CAPN3: variants seen among roughly 807,000 people sequenced by gnomAD.
CAPN3 encodes calpain 3.
CAPN3 carries 88 observed loss-of-function variants against 114.0 expected under a neutral mutation model. That is an observed-to-expected ratio of 0.77 (90% CI 0.65 to 0.92). CAPN3 has a LOEUF of 0.92. Among genes scored for constraint, CAPN3 ranks in the 40% least tolerant of loss-of-function variants. The pLI, the probability that CAPN3 is intolerant of heterozygous loss-of-function variation, is 0.00. For missense variants in CAPN3, 1,028 were observed against 1,069.0 expected (o/e 0.96, Z 0.53); for synonymous variants, 386 against 382.9 (o/e 1.01, Z -0.09).
At chr15:42,387,009 G>A (rs866792824) in intron 3 of CAPN3, among the ~76,000 whole-genome samples, 69 of 152,070 alleles carry the variant, frequency 4.5e-4, no homozygotes, top group African/African-American at 1.6e-3. Context: ...ACCTCAGCAC[G>A]GAAGGCCTCA....
intron 2 of CAPN3, 66 bp downstream of exon 2, chr15:42,384,618 T>C (rs2053340350): frequency 1.7e-6 from 2 of 1,176,892 alleles, no homozygotes; most frequent in African/African-American, 1.5e-5. Flanking sequence ...TGTGATCCCC[T>C]TCCAGGAGGT....
At chr15:42,410,838 A>C in intron 21 of CAPN3, 46 bp from the exon 22 acceptor site, 1 of 1,503,400 alleles carries the variant, frequency 6.7e-7, no homozygotes, top group Admixed American at 1.7e-5. Context: ...AGGCAGGCCC[A>C]AGGCCTCCAG....
chr15:42,399,548 C>A lies in CAPN3; in HGVS notation c.1250C>A (p.Thr417Lys). 1 of 1,613,528 alleles carries A rather than the reference C, an allele frequency of 6.2e-7. No homozygotes were observed. Among genetic ancestry groups the A allele is most frequent in the Non-Finnish European group, 8.5e-7 (1 of 1,179,494 alleles). Residue 417 changes from threonine (T) to lysine (K), a missense_variant, in exon 10 of 24, where the codon ACG (threonine) becomes AAG (lysine). By Grantham distance (78) the Thr-to-Lys change is moderately conservative (BLOSUM62 -1). Coordinates refer to ENST00000397163, the MANE Select transcript of CAPN3 (RefSeq NM_000070.3). Reference sequence around the variant, plus strand: ...ACAAAGTTGGAGATCTGCAACCTCACGGCCGATGCTCTGCAGTCTGACAAG... The same window carrying A: ...ACAAAGTTGGAGATCTGCAACCTCAAGGCCGATGCTCTGCAGTCTGACAAG... Reference protein sequence around the residue: ...HFTKLEICNLTADALQSDKLQ... With the variant: ...HFTKLEICNLKADALQSDKLQ...
chr15:42,388,268 T>C (rs979400197), intron 4 of CAPN3, among the ~76,000 whole-genome samples: 1 of 152,164 alleles, frequency 6.6e-6, no homozygotes, highest in Admixed American at 6.5e-5. Flanking sequence ...CCATGTTGTC[T>C]CTCAACTTAA....
chr15:42,391,366 G>T (rs1047552404), intron 6 of CAPN3, among the ~76,000 whole-genome samples: 1 of 152,110 alleles, frequency 6.6e-6, no homozygotes, highest in African/African-American at 2.4e-5. Flanking sequence ...GATATGCTTA[G>T]GTAATGACAG....
chr15:42,388,916 C>T lies in CAPN3; in HGVS notation c.633-12C>T. The stretch of plus-strand genomic sequence containing the variant: ...TCTGTGACCCCAAATTGGTCTTCAT[C>T]CTCTCTCTAAGGCTCCATGGTTCCT... On this transcript the variant is annotated splice_polypyrimidine_tract_variant and intron_variant, in intron 4 of 23. Transcript: ENST00000397163. 6.2e-7 allele frequency: 1 copy of T among 1,613,544 alleles called. No individual in the cohort carries two copies. Among genetic ancestry groups the T allele is most frequent in the Admixed American group, 1.7e-5 (1 of 60,022 alleles).
chr15:42,392,955 T>C (rs1246066693), intron 7 of CAPN3, among the ~76,000 whole-genome samples: 1 of 152,240 alleles, frequency 6.6e-6, no homozygotes, highest in Non-Finnish European at 1.5e-5. Flanking sequence ...AAGATGGCAA[T>C]TTTTCCAACA....
chr15:42,411,018 G>T lies in CAPN3; in HGVS notation c.2380+18G>T. ...CATGTTCAGTAAGTGGGAGAGGGGG[G>T]CTGCCCTCTGCTCTCTTGCAGGGGC... On this transcript the variant is annotated intron_variant, in intron 22 of 23. Coordinates refer to ENST00000397163, the MANE Select transcript of CAPN3 (RefSeq NM_000070.3). The T allele has an allele frequency of 1.3e-6, 2 of 1,557,672 alleles. No individual in the cohort carries two copies. Among genetic ancestry groups the T allele is most frequent in the Non-Finnish European group, 1.8e-6 (2 of 1,128,654 alleles).
At chr15:42,400,422 C>A (rs1293034041) in intron 10 of CAPN3, among the ~76,000 whole-genome samples, 1 of 152,084 alleles carries the variant, frequency 6.6e-6, no homozygotes, top group Admixed American at 6.5e-5. Flanking sequence ...GGGGACCTGA[C>A]AACATTGCAA....
At position 42,390,089 on chromosome 15, in the gene CAPN3, C is replaced by G; in HGVS notation, c.938C>G (p.Pro313Arg). 5 of 1,614,132 alleles carry G rather than the reference C, an allele frequency of 3.1e-6. No homozygotes were observed. The highest frequency in any genetic ancestry group is 3.4e-6 in the Non-Finnish European group (4 of 1,180,018). ...GACCCCAGAGGCTCAGATGAAAGAC[C>G]GACCCGGGTGTGTACACCTCCGATT... ...DLDPRGSDER[P>R]TRTIIPVQYE... The change falls in exon 6 of 24, where the codon CCG (proline) becomes CGG (arginine). Residue 313 changes from proline (P) to arginine (R), a missense_variant. By Grantham distance (103) the Pro-to-Arg change is moderately radical (BLOSUM62 -2). Transcript: ENST00000397163.
rs779220146 is a variant in CAPN3, at chr15:42,399,614, TAC to T, written c.1317_1318del (p.Arg440GlyfsTer30). On this transcript the variant is annotated frameshift_variant, in exon 10 of 24. Transcript: ENST00000397163. LOFTEE classifies it high-confidence loss of function. The stretch of plus-strand genomic sequence containing the variant: ...GTGTCTGTGAACGAGGGCCGCTGGG[TAC>T]GGGGTTGCTCTGCCGGAGGCTGCCG... 1 of 1,612,328 alleles carries T rather than the reference TAC, an allele frequency of 6.2e-7. No individual in the cohort carries two copies. The highest frequency in any genetic ancestry group is 1.7e-5 in the Admixed American group (1 of 59,902).
At chr15:42,360,243 C>G (rs949794259) in intron 1 of CAPN3, 129 bp downstream of exon 1, 1 of 1,014,694 alleles carries the variant, frequency 9.9e-7, no homozygotes, top group African/African-American at 1.6e-5. Flanking sequence ...CTGCTGGGCT[C>G]TGTCTTTAAG....
In CAPN3 at chr15:42,386,205, C is replaced by A; in HGVS notation, c.418C>A (p.Leu140Met). The change falls in exon 3 of 24, where the codon CTG becomes ATG. Residue 140 changes from leucine (L) to methionine (M), a missense_variant. By Grantham distance (15) the Leu-to-Met change is conservative (BLOSUM62 2). Transcript: ENST00000397163. ...WFLAAIACLT[L>M]NQHLLFRVIP... ...TCTCGCAGCCATTGCCTGCCTGACCCTGAACCAGCACCTTCTTTTCCGAGT... is the reference window on the plus strand; with the variant it reads ...TCTCGCAGCCATTGCCTGCCTGACCATGAACCAGCACCTTCTTTTCCGAGT... The A allele has an allele frequency of 6.2e-7, 1 of 1,614,152 alleles. No homozygotes were observed.
In CAPN3 at chr15:42,411,295, C is replaced by T. The variant is rs887633427; in HGVS notation, c.2389C>T (p.His797Tyr). ...VRLEGMFRAFHAFDKDGDGII... is the reference protein window; with the variant it reads ...VRLEGMFRAFYAFDKDGDGII... ...TGTGCATTCTTTCACAGGAGCTTTT[C>T]ATGCATTTGACAAGGATGGAGATGG... The change falls in exon 23 of 24, where the codon CAT (histidine) becomes TAT (tyrosine). Residue 797 changes from histidine (H) to tyrosine (Y), a missense_variant. Transcript: ENST00000397163. 6.2e-7 allele frequency: 1 copy of T among 1,614,002 alleles called. No individual in the cohort carries two copies. Among genetic ancestry groups the T allele is most frequent in the African/African-American group, 1.3e-5 (1 of 74,926 alleles).
chr15:42,404,697 T>C (rs988056688), intron 14 of CAPN3: 5 of 1,180,598 alleles, frequency 4.2e-6, no homozygotes, highest in African/African-American at 3.2e-5. Flanking sequence ...CTGACAGTCC[T>C]TTGTGCTCTG....
chr15:42,410,968 T>G lies in CAPN3; in HGVS notation c.2348T>G (p.Ile783Ser), dbSNP rs1309223901. The G allele has an allele frequency of 1.9e-6, 3 of 1,614,014 alleles. No homozygotes were observed. The highest frequency in any genetic ancestry group is 3.3e-5 in the Admixed American group (2 of 60,002). Residue 783 changes from isoleucine to serine, a missense_variant, in exon 22 of 24, where the codon ATC becomes AGC. Physicochemically the swap from Ile to Ser is moderately radical, Grantham distance 142. Transcript: ENST00000397163. ...KHMNIDFDSFICCFVRLEGMF... is the reference protein window; with the variant it reads ...KHMNIDFDSFSCCFVRLEGMF... The stretch of plus-strand genomic sequence containing the variant: ...ATGAACATCGACTTTGACAGTTTCA[T>G]CTGCTGCTTCGTTAGGCTGGAGGGC...
At chr15:42,408,726 C>T in intron 16 of CAPN3, 1 of 354,484 alleles carries the variant, frequency 2.8e-6, no homozygotes, top group Non-Finnish European at 5.5e-6. Flanking sequence ...AAATGGGGTC[C>T]TCTAGAGCTC....
At chr15:42,362,981 C>T (rs987381376) in intron 1 of CAPN3, among the ~76,000 whole-genome samples, 8 of 152,004 alleles carry the variant, frequency 5.3e-5, no homozygotes, top group African/African-American at 1.7e-4. Context: ...AATTTTTTTT[C>T]GACCATCAAG....
At chr15:42,401,087 G>T (rs2053848895) in intron 10 of CAPN3, among the ~76,000 whole-genome samples, 2 of 151,908 alleles carry the variant, frequency 1.3e-5, no homozygotes, top group Non-Finnish European at 2.9e-5. Flanking sequence ...CCAGCTACTT[G>T]GGAGGCTCAG....
Sources: allele counts gnomAD v4.1 joint callset (sites outside exome capture counted in the v4.1 genomes callset), GRCh38; gene constraint gnomAD v4.1.1; transcripts MANE v1.5; gene names NCBI Gene and HGNC (gene_info 2026-07-23, HGNC 2026-07-21).